The following TET2 variants were observed in gnomAD, a reference collection of about 807,000 sequenced individuals.
TET2 encodes tet methylcytosine dioxygenase 2.
A neutral mutation model predicts 142.9 loss-of-function variants in TET2; 299 were observed. The observed-to-expected ratio is 2.09, with a 90% confidence interval of 1.90 to 2.30. The LOEUF is 2.30. Ranked by LOEUF, TET2 falls within the 30% of genes most tolerant of loss-of-function variation. The pLI, the probability that TET2 is intolerant of heterozygous loss-of-function variation, is 0.00. For synonymous variants in TET2, 819 were observed against 849.0 expected (o/e 0.96, Z 0.61); for missense variants, 2,418 against 2,378.0 (o/e 1.02, Z -0.35).
rs765976436 is a variant in TET2, at chr4:105,235,034, T to C, written c.1092T>C (p.Gly364=). Reference sequence around the variant, plus strand: ...CCAGCAGCAATTTGCAAGCTCCTGGTGGCAGCTCTGAACGGTATTTAAAAC... The same window carrying C: ...CCAGCAGCAATTTGCAAGCTCCTGGCGGCAGCTCTGAACGGTATTTAAAAC... ...SGSSSNLQAP[G]GSSERYLKQN... Residue 364 remains glycine, a synonymous_variant, in exon 3 of 11, where the codon GGT becomes GGC. Coordinates refer to ENST00000380013, the MANE Select transcript of TET2 (RefSeq NM_001127208.3). 1 of 1,614,140 alleles carries C rather than the reference T, an allele frequency of 6.2e-7. No individual in the cohort carries two copies. The highest frequency in any genetic ancestry group is 8.5e-7 in the Non-Finnish European group (1 of 1,180,020).
intron 1 of TET2, chr4:105,171,440 T>C (rs184135516): frequency 6.6e-6 from 1 of 152,362 alleles, no homozygotes; most frequent in Non-Finnish European, 1.5e-5. Flanking sequence ...TTTTAATATA[T>C]GTTATTGATC....
At chr4:105,271,405 G>A (rs544180840) in intron 9 of TET2, among the ~76,000 whole-genome samples, 1 of 152,290 alleles carries the variant, frequency 6.6e-6, no homozygotes, top group Admixed American at 6.5e-5. Context: ...TTCCAGGAAG[G>A]TGACAGAGAG....
intron 6 of TET2, among the ~76,000 whole-genome samples, chr4:105,245,306 C>T (rs1729532436): frequency 6.6e-6 from 1 of 151,818 alleles, no homozygotes; most frequent in Non-Finnish European, 1.5e-5. Flanking sequence ...AACTTATAAA[C>T]TTATGATGGA....
intron 6 of TET2, among the ~76,000 whole-genome samples, chr4:105,244,917 G>A (rs1056464720): frequency 1.3e-5 from 2 of 152,078 alleles, no homozygotes; most frequent in African/African-American, 2.4e-5. Context: ...TTTTGCCCAC[G>A]ATTGGTTTTA....
At chr4:105,248,597 C>T (rs1209984016) in intron 6 of TET2, among the ~76,000 whole-genome samples, 4 of 152,232 alleles carry the variant, frequency 2.6e-5, no homozygotes, top group Non-Finnish European at 4.4e-5. Flanking sequence ...CTTTTAGTAG[C>T]CACTTTATTA....
In TET2 at chr4:105,157,946, G is replaced by A. The variant is rs765197661; in HGVS notation, c.-193+10967G>A. ...CCCCCTTCTGCTTCCTAAAGTGCTG[G>A]GATTACAGGCATGAGCCATCGGCCT... On this transcript the variant is annotated intron_variant, in intron 1 of 10. Coordinates refer to ENST00000380013, the MANE Select transcript of TET2 (RefSeq NM_001127208.3). 1.2e-4 allele frequency among the ~76,000 whole-genome samples: 18 copies of A among 152,194 alleles called. No homozygotes were observed. The South Asian group carries it at 1.7e-3, about 14-fold the overall frequency.
chr4:105,244,599 T>G (rs536012098), intron 6 of TET2, among the ~76,000 whole-genome samples: 1 of 142,630 alleles, frequency 7.0e-6, no homozygotes, highest in Non-Finnish European at 1.5e-5. Flanking sequence ...TTTTTTTTTT[T>G]TTTTTTTTTT....
intron 2 of TET2, among the ~76,000 whole-genome samples, chr4:105,197,993 G>A (rs148361330): frequency 2.8e-4 from 42 of 152,224 alleles, no homozygotes; most frequent in African/African-American, 9.9e-4. Context: ...TCTTCCTAGA[G>A]TAGCAACGTA....
intron 1 of TET2, among the ~76,000 whole-genome samples, chr4:105,175,299 CTA>C (rs113057317): frequency 5.9e-5 from 9 of 151,964 alleles, no homozygotes; most frequent in African/African-American, 2.2e-4. Context: ...TTATAAAAAA[CTA>C]TGGTTAATAT....
intron 1 of TET2, among the ~76,000 whole-genome samples, chr4:105,159,119 G>T (rs189356451): frequency 2.0e-5 from 3 of 152,252 alleles, no homozygotes; most frequent in Non-Finnish European, 2.9e-5. Context: ...GGGAGCCCTT[G>T]TCTGGCTCTG....
At chr4:105,247,714 CTTTTTTTTTTTTTTT>C (rs1206510081) in intron 6 of TET2, among the ~76,000 whole-genome samples, 24 of 65,318 alleles carry the variant, frequency 3.7e-4, no homozygotes, top group African/African-American at 1.3e-3. Flanking sequence ...TTTTTCTTTT[CTTTTTTTTTTTTTTT>C]TTTTTTTTTT....
rs549395077 is a variant in TET2 at position 105,276,064 on chromosome 4, C to T, written c.5554C>T (p.Gln1852Ter). The T allele has an allele frequency of 1.3e-6, 2 of 1,551,698 alleles. No individual in the cohort carries two copies. Among genetic ancestry groups the T allele is most frequent in the Admixed American group, 2.0e-5 (1 of 51,014 alleles). The change falls in exon 11 of 11, where the codon CAG becomes TAG. Residue 1852 changes from glutamine to a stop codon, truncating the protein, a stop_gained. Transcript: ENST00000380013. LOFTEE classifies it high-confidence loss of function. ...DNDEVWSDSE[Q>*]SFLDPDIGGV... is the part of the protein sequence containing the mutation. Reference sequence around the variant, plus strand: ...CGATGAGGTCTGGTCAGACAGCGAGCAGAGCTTTCTGGATCCTGACATTGG... The same window carrying T: ...CGATGAGGTCTGGTCAGACAGCGAGTAGAGCTTTCTGGATCCTGACATTGG...
Position 105,276,041 on chromosome 4 carries a change from A to G in TET2, c.5531A>G (p.Asp1844Gly), listed in dbSNP as rs1731204818. Residue 1844 changes from aspartate (D) to glycine (G), a missense_variant, in exon 11 of 11, where the codon GAT becomes GGT. Asp to Gly is a moderately conservative substitution (Grantham distance 94). Transcript: ENST00000380013. The stretch of plus-strand genomic sequence containing the variant: ...GTGGCTTCTGGTGCAGAGGACAACG[A>G]TGAGGTCTGGTCAGACAGCGAGCAG... ...QGVASGAEDN[D>G]EVWSDSEQSF... 4 of 1,551,708 alleles carry G rather than the reference A, an allele frequency of 2.6e-6. No individual in the cohort carries two copies. Among genetic ancestry groups the G allele is most frequent in the Non-Finnish European group, 3.5e-6 (4 of 1,146,978 alleles).
chr4:105,146,888 A>C lies in TET2; in HGVS notation c.-284A>C, dbSNP rs1434294161. 3.3e-5 allele frequency: 5 copies of C among 152,444 alleles called. No homozygotes were observed. Among genetic ancestry groups the C allele is most frequent in the Admixed American group, 2.0e-4 (3 of 15,290 alleles). The allele number at this position is 152,444 out of a possible 1,614,324, so 9.4% of individuals were successfully genotyped here. A position where few individuals can be genotyped will look rare whatever the true frequency, so the allele number is the denominator to read the frequency against. On this transcript the variant is annotated 5_prime_UTR_variant, in exon 1 of 11. Transcript: ENST00000380013. ...CTAGGCTGCTTTCGTAGAGAAGCAGAAGGAAGCAAGATGGCTGCCCTTTAG... is the reference window on the plus strand; with the variant it reads ...CTAGGCTGCTTTCGTAGAGAAGCAGCAGGAAGCAAGATGGCTGCCCTTTAG...
chr4:105,273,006 G>GA, intron 10 of TET2, 88 bp downstream of exon 10: 3 of 1,035,846 alleles, frequency 2.9e-6, no homozygotes, highest in Non-Finnish European at 4.2e-6. Flanking sequence ...CCATCAACTT[G>GA]TAAGTTCTGG....
Position 105,278,465 on chromosome 4 carries a change from C to A in TET2, c.*1946C>A. 1 of 223,472 alleles carries A rather than the reference C, an allele frequency of 4.5e-6. No individual in the cohort carries two copies. Among genetic ancestry groups the A allele is most frequent in the Non-Finnish European group, 8.9e-6 (1 of 112,626 alleles). The allele number at this position is 223,472 out of a possible 1,614,324, so 13.8% of individuals were successfully genotyped here. ...TTCTTAGCAAGTATAACTTGAACTTCAACCTTTTTGTTCTAAAAATTCAGG... is the reference window on the plus strand; with the variant it reads ...TTCTTAGCAAGTATAACTTGAACTTAAACCTTTTTGTTCTAAAAATTCAGG... On this transcript the variant is annotated 3_prime_UTR_variant, in exon 11 of 11. Transcript: ENST00000380013.
chr4:105,172,994 A>C (rs530872646), intron 1 of TET2, among the ~76,000 whole-genome samples: 1 of 152,334 alleles, frequency 6.6e-6, no homozygotes, highest in Non-Finnish European at 1.5e-5. Flanking sequence ...AGCAGAAAGC[A>C]AATTAGTTTT....
intron 6 of TET2, among the ~76,000 whole-genome samples, chr4:105,252,551 T>A (rs1729924259): frequency 6.6e-6 from 1 of 152,198 alleles, no homozygotes; most frequent in African/African-American, 2.4e-5. Context: ...AGTAGCTTGA[T>A]TGACAGTAAG....
Position 105,233,922 on chromosome 4 carries a change from G to A in TET2, c.-21G>A. On this transcript the variant is annotated 5_prime_UTR_variant, in exon 3 of 11. Transcript: ENST00000380013. Reference sequence around the variant, plus strand: ...AATTCAACTAGAGGGCAGCCTTGTGGATGGCCCCGAAGCAAGCCTGATGGA... The same window carrying A: ...AATTCAACTAGAGGGCAGCCTTGTGAATGGCCCCGAAGCAAGCCTGATGGA... The A allele has an allele frequency of 1.3e-6, 2 of 1,591,736 alleles. No homozygotes were observed. Among genetic ancestry groups the A allele is most frequent in the Non-Finnish European group, 1.7e-6 (2 of 1,172,202 alleles).
Sources: gnomAD v4.1 joint callset for allele counts (sites outside exome capture counted in the v4.1 genomes callset) on GRCh38, gnomAD v4.1.1 for gene constraint, MANE v1.5 for transcripts, NCBI Gene and HGNC (gene_info 2026-07-23, HGNC 2026-07-21) for gene names.